Variants in NCK2 observed in about 807,000 individuals in gnomAD.
NCK2 encodes cytoplasmic protein NCK2.
NCK2 carries 16 observed loss-of-function variants against 33.9 expected under a neutral mutation model. The observed-to-expected ratio is 0.47, with a 90% CI of 0.32 to 0.72. NCK2 has a LOEUF of 0.72. Among genes scored for constraint, NCK2 ranks in the 30% least tolerant of loss-of-function variants. The pLI, the probability that NCK2 is intolerant of heterozygous loss-of-function variation, is 0.03. For synonymous variants in NCK2, 273 were observed against 239.9 expected, an observed-to-expected ratio of 1.14 and a Z score of -1.27; for missense variants, 418 against 537.3, an observed-to-expected ratio of 0.78 and a Z score of 2.19.
chr2:105,827,143 G>A (rs879571552), intron 2 of NCK2, among the ~76,000 whole-genome samples: 1 of 152,084 alleles, frequency 6.6e-6, no homozygotes, highest in African/African-American at 2.4e-5. Flanking sequence ...GGGACTACAG[G>A]TGCCTACCAC....
At chr2:105,755,367 C>A (rs1490973284) in intron 1 of NCK2, among the ~76,000 whole-genome samples, 1 of 151,890 alleles carries the variant, frequency 6.6e-6, no homozygotes, top group Non-Finnish European at 1.5e-5. Context: ...GTTGATTGAT[C>A]ACCTATAGAT....
chr2:105,756,251 T>C (rs543599996), intron 1 of NCK2, among the ~76,000 whole-genome samples: 9 of 152,354 alleles, frequency 5.9e-5, no homozygotes, highest in African/African-American at 2.2e-4. Context: ...TACCCCTCTC[T>C]TCCTGTGCTG....
chr2:105,754,159 T>C (rs146948579), intron 1 of NCK2, among the ~76,000 whole-genome samples: 61 of 152,354 alleles, frequency 4.0e-4, no homozygotes, highest in African/African-American at 1.4e-3. Context: ...GCAGTTTCTT[T>C]CAACTCACAG....
chr2:105,835,384 TAC>T (rs1330136246), intron 2 of NCK2, among the ~76,000 whole-genome samples: 2 of 62,938 alleles, frequency 3.2e-5, no homozygotes, highest in Non-Finnish European at 6.3e-5. Flanking sequence ...TACATATATA[TAC>T]ACATATATAT....
chr2:105,833,488 G>T (rs1161782962), intron 2 of NCK2, among the ~76,000 whole-genome samples: 1 of 152,026 alleles, frequency 6.6e-6, no homozygotes, highest in Admixed American at 6.6e-5. Context: ...GTGTATCATT[G>T]TTCATATTAG....
intron 1 of NCK2, among the ~76,000 whole-genome samples, chr2:105,769,026 G>A (rs919669751): frequency 6.6e-6 from 1 of 151,946 alleles, no homozygotes; most frequent in African/African-American, 2.4e-5. Context: ...CTAATCACAC[G>A]TTTTGTCTTT....
In NCK2 at chr2:105,881,604, A is replaced by T; in HGVS notation, c.503A>T (p.Glu168Val). 1 of 1,613,728 alleles carries T rather than the reference A, an allele frequency of 6.2e-7. No individual in the cohort carries two copies. Among genetic ancestry groups the T allele is most frequent in the South Asian group, 1.1e-5 (1 of 91,066 alleles). ...TTCCCCTCCAACTACGTCTTGGAGG[A>T]GGTGGACGAGGCGGCTGCGGAGTCC... ...GWFPSNYVLE[E>V]VDEAAAESPS... The change falls in exon 4 of 5, where the codon GAG becomes GTG. Residue 168 changes from glutamate (E) to valine (V), a missense_variant. Physicochemically the swap from Glu to Val is moderately radical, Grantham distance 121. Coordinates refer to ENST00000233154, the MANE Select transcript of NCK2 (RefSeq NM_003581.5).
chr2:105,779,869 T>C (rs1199792655), intron 1 of NCK2, among the ~76,000 whole-genome samples: 5 of 152,136 alleles, frequency 3.3e-5, no homozygotes, highest in African/African-American at 1.2e-4. Flanking sequence ...GAAACTGATA[T>C]GGGGAAAACA....
intron 3 of NCK2, among the ~76,000 whole-genome samples, chr2:105,878,952 AC>A (rs1228987045): frequency 6.6e-6 from 1 of 152,166 alleles, no homozygotes; most frequent in Admixed American, 6.5e-5. Flanking sequence ...TGTCTCAGGA[AC>A]TCAGTGGCTG....
chr2:105,842,145 G>A (rs981520725), intron 2 of NCK2, among the ~76,000 whole-genome samples: 2 of 152,000 alleles, frequency 1.3e-5, no homozygotes, highest in Non-Finnish European at 2.9e-5. Context: ...GAGTGCAATG[G>A]CGCGACCTCG....
intron 2 of NCK2, among the ~76,000 whole-genome samples, chr2:105,824,048 A>G (rs912389803): frequency 4.6e-5 from 7 of 152,074 alleles, no homozygotes; most frequent in Non-Finnish European, 7.3e-5. Flanking sequence ...TCTCCCTTAC[A>G]GGGATGTGGC....
chr2:105,762,921 G>A (rs1261193552), intron 1 of NCK2, among the ~76,000 whole-genome samples: 5 of 152,180 alleles, frequency 3.3e-5, no homozygotes, highest in African/African-American at 1.2e-4. Context: ...GAGGCCAGGC[G>A]CAGTGGCTCA....
intron 1 of NCK2, among the ~76,000 whole-genome samples, chr2:105,806,000 AT>A (rs926426996): frequency 6.6e-6 from 1 of 151,116 alleles, no homozygotes; most frequent in African/African-American, 2.4e-5. Context: ...AGGTAATTTT[AT>A]TTTTTTTCTT....
chr2:105,793,618 GT>G (rs1185175499), intron 1 of NCK2, among the ~76,000 whole-genome samples: 1 of 152,236 alleles, frequency 6.6e-6, no homozygotes, highest in Non-Finnish European at 1.5e-5. Flanking sequence ...TTATTTCTTT[GT>G]TTTGAGTAGC....
At chr2:105,892,430 C>T (rs1679025640) in intron 4 of NCK2, among the ~76,000 whole-genome samples, 1 of 152,196 alleles carries the variant, frequency 6.6e-6, no homozygotes, top group South Asian at 2.1e-4. Flanking sequence ...AACTAAAACG[C>T]ATTTAGCACT....
At position 105,881,664 on chromosome 2, in the gene NCK2, T is replaced by C. The variant is rs777919935; in HGVS notation, c.563T>C (p.Leu188Pro). The change falls in exon 4 of 5, where the codon CTG becomes CCG. Residue 188 changes from leucine to proline, a missense_variant. Coordinates refer to ENST00000233154, the MANE Select transcript of NCK2 (RefSeq NM_003581.5). The stretch of plus-strand genomic sequence containing the variant: ...CTGAGCCTGCGCAAGGGCGCCTCGC[T>C]GAGCAATGGCCAGGGCTCCCGCGTG... ...SFLSLRKGAS[L>P]SNGQGSRVLH... The C allele has an allele frequency of 3.1e-6, 5 of 1,613,350 alleles. No individual in the cohort carries two copies. Among genetic ancestry groups the C allele is most frequent in the Non-Finnish European group, 4.2e-6 (5 of 1,179,464 alleles).
At chr2:105,798,379 T>G (rs903493607) in intron 1 of NCK2, among the ~76,000 whole-genome samples, 13 of 150,438 alleles carry the variant, frequency 8.6e-5, no homozygotes, top group African/African-American at 3.1e-4. Context: ...TTTTTCTTCT[T>G]TCAGTGTTCT....
intron 2 of NCK2, among the ~76,000 whole-genome samples, chr2:105,844,088 A>G (rs1234133429): frequency 6.6e-6 from 1 of 152,182 alleles, no homozygotes; most frequent in African/African-American, 2.4e-5. Context: ...GGTATTTTGC[A>G]GAAGGTCCCC....
intron 1 of NCK2, among the ~76,000 whole-genome samples, chr2:105,773,586 C>T (rs1411184267): frequency 2.0e-5 from 3 of 152,126 alleles, no homozygotes; most frequent in African/African-American, 7.2e-5. Context: ...TCTGTCAGCA[C>T]CCAATACCAT....
Sources: gnomAD v4.1 joint callset for allele counts (sites outside exome capture counted in the v4.1 genomes callset) on GRCh38, gnomAD v4.1.1 for gene constraint, MANE v1.5 for transcripts, NCBI Gene and HGNC (gene_info 2026-07-23, HGNC 2026-07-21) for gene names.